Variants in ANKRD42 observed in about 807,000 individuals in gnomAD.
The protein encoded by ANKRD42 is ankyrin repeat domain-containing protein 42.
A neutral mutation model predicts 51.5 loss-of-function variants in ANKRD42; 43 were observed. The ratio of observed to expected loss-of-function variants is 0.83; its 90% CI spans 0.65 to 1.08. The LOEUF (loss-of-function observed/expected upper bound fraction) is 1.08. Ranked by LOEUF, ANKRD42 falls within the 50% of genes least tolerant of loss-of-function variation. The probability of loss-of-function intolerance (pLI) is 0.00; values close to 1 mark genes in which losing one functional copy is unlikely to be tolerated. For missense variants in ANKRD42, 608 were observed against 629.3 expected (o/e 0.97, Z 0.36); for synonymous variants, 203 against 213.0 (o/e 0.95, Z 0.41).
chr11:83,228,739 T>G (rs12280048), intron 7 of ANKRD42, among the ~76,000 whole-genome samples: 3,411 of 152,178 alleles, frequency 0.022, 111 homozygotes, highest in African/African-American at 0.077. Context: ...TACCAATGGT[T>G]TTATAAGCAA....
downstream of ANKRD42, among the ~76,000 whole-genome samples, chr11:83,249,942 G>A (rs1230089297): frequency 6.6e-6 from 1 of 152,060 alleles, no homozygotes; most frequent in African/African-American, 2.4e-5. Flanking sequence ...GCACGCAGAG[G>A]TATTCACTAT....
At chr11:83,264,081 G>C (rs1229320198), downstream of ANKRD42, among the ~76,000 whole-genome samples, 2 of 152,036 alleles carry the variant, frequency 1.3e-5, no homozygotes, top group African/African-American at 2.4e-5. Context: ...TACTAGCACA[G>C]GGCCACCAAG....
At chr11:83,209,724 C>G (rs1448281945) in intron 3 of ANKRD42, 5 of 686,920 alleles carry the variant, frequency 7.3e-6, no homozygotes, top group South Asian at 1.6e-5. Flanking sequence ...TTGTTGCCTT[C>G]TTGTTTCTCA....
rs186939157 is a variant in ANKRD42 at position 83,224,714 on chromosome 11, T to C, written c.587-141T>C. On this transcript the variant is annotated intron_variant, in intron 5 of 10. Coordinates refer to ENST00000533342, the MANE Select transcript of ANKRD42 (RefSeq NM_001300975.2). ...GGGGGGAATCACTTGAGCCCAGGAG[T>C]TGGAGGCTATAATGAGCTATGATTG... 1.0e-3 allele frequency: 579 copies of C among 551,432 alleles called. 3 individuals carry two copies. Among genetic ancestry groups the C allele is most frequent in the African/African-American group, 9.5e-3 (487 of 51,080 alleles). The allele number at this position is 551,432 out of a possible 1,614,324, so 34.2% of individuals were successfully genotyped here.
At chr11:83,214,533 A>G in intron 5 of ANKRD42, 3 of 982,976 alleles carry the variant, frequency 3.1e-6, no homozygotes, top group Non-Finnish European at 3.6e-6. Flanking sequence ...GATGTTAAGA[A>G]AGAATGTGGC....
At chr11:83,220,278 A>T (rs1402142608) in intron 5 of ANKRD42, among the ~76,000 whole-genome samples, 1 of 151,834 alleles carries the variant, frequency 6.6e-6, no homozygotes, top group African/African-American at 2.4e-5. Context: ...AGACAGCCTG[A>T]CACCTGTGTC....
intron 5 of ANKRD42, 56 bp from the exon 6 acceptor site, chr11:83,224,799 A>C: frequency 1.5e-6 from 2 of 1,356,330 alleles, no homozygotes; most frequent in South Asian, 1.6e-5. Context: ...ACATACATAC[A>C]TACATAAAAA....
In ANKRD42 at chr11:83,194,204, G is replaced by A; in HGVS notation, c.-467G>A. 2.2e-6 allele frequency: 1 copy of A among 459,624 alleles called. No individual in the cohort carries two copies. The highest frequency in any genetic ancestry group is 4.4e-6 in the Non-Finnish European group (1 of 229,042). 28.5% of individuals were successfully genotyped at this position (459,624 alleles called of 1,614,324 possible). A position where few individuals can be genotyped will look rare whatever the true frequency, so the allele number is the denominator to read the frequency against. On this transcript the variant is annotated 5_prime_UTR_variant, in exon 1 of 11. Coordinates refer to ENST00000533342, the MANE Select transcript of ANKRD42 (RefSeq NM_001300975.2). ...GGCCACCAAACTACCGACTCCAGGG[G>A]AACAGCCAGAGAAGACCGAGGCCTC...
At chr11:83,239,545 G>A (rs1252522387) in intron 8 of ANKRD42, among the ~76,000 whole-genome samples, 1 of 152,080 alleles carries the variant, frequency 6.6e-6, no homozygotes, top group Non-Finnish European at 1.5e-5. Flanking sequence ...TGAGGTCTGT[G>A]ATCATTTTGA....
intron 10 of ANKRD42, among the ~76,000 whole-genome samples, chr11:83,246,974 A>T (rs1591011721): frequency 1.3e-5 from 2 of 152,034 alleles, no homozygotes; most frequent in African/African-American, 2.4e-5. Flanking sequence ...CTACCTCTTG[A>T]TGTGATTTTA....
At chr11:83,208,357 GTGTGTGTT>G (rs764390079) in intron 3 of ANKRD42, among the ~76,000 whole-genome samples, 17 of 149,744 alleles carry the variant, frequency 1.1e-4, no homozygotes, top group Non-Finnish European at 1.8e-4. Flanking sequence ...TTATATACGT[GTGTGTGTT>G]TGTGTGTGTG....
At chr11:83,208,428 C>T (rs1452842162) in intron 3 of ANKRD42, among the ~76,000 whole-genome samples, 1 of 152,092 alleles carries the variant, frequency 6.6e-6, no homozygotes, top group Non-Finnish European at 1.5e-5. Flanking sequence ...TAAACATCCA[C>T]ATGGACCTTA....
Position 83,194,482 on chromosome 11 carries a change from G to A in ANKRD42, c.-189G>A, listed in dbSNP as rs1319728888. 2 of 710,060 alleles carry A rather than the reference G, an allele frequency of 2.8e-6. No individual in the cohort carries two copies. Among genetic ancestry groups the A allele is most frequent in the Admixed American group, 4.0e-5 (2 of 49,934 alleles). The allele number at this position is 710,060 out of a possible 1,614,324, so 44.0% of individuals were successfully genotyped here. A position where few individuals can be genotyped will look rare whatever the true frequency, so the allele number is the denominator to read the frequency against. On this transcript the variant is annotated 5_prime_UTR_variant, in exon 1 of 11. Transcript: ENST00000533342. ...CCGCTTCAGTGGCTTTTGGGAGAGA[G>A]AAAGTGAAGACGAAGGTTTCCGCTG...
downstream of ANKRD42, among the ~76,000 whole-genome samples, chr11:83,263,692 A>G (rs778453937): frequency 4.6e-5 from 7 of 152,216 alleles, no homozygotes; most frequent in Non-Finnish European, 5.9e-5. Context: ...AATTGGAACT[A>G]AGGAAAGAGG....
intron 3 of ANKRD42, among the ~76,000 whole-genome samples, chr11:83,207,703 T>C (rs1013443433): frequency 1.3e-5 from 2 of 152,232 alleles, no homozygotes; most frequent in Non-Finnish European, 2.9e-5. Context: ...CAAAACAAAT[T>C]CAGAGTGTTA....
intron 4 of ANKRD42, 106 bp downstream of exon 4, chr11:83,210,525 T>G (rs1862273555): frequency 7.6e-7 from 1 of 1,323,000 alleles, no homozygotes; most frequent in Non-Finnish European, 1.0e-6. Flanking sequence ...TAATATGACT[T>G]TGGGAAACTA....
intron 5 of ANKRD42, among the ~76,000 whole-genome samples, chr11:83,222,171 C>T (rs1419365552): frequency 6.6e-6 from 1 of 152,114 alleles, no homozygotes; most frequent in African/African-American, 2.4e-5. Context: ...GAATTCTGGG[C>T]TATTGCTAGT....
chr11:83,222,228 G>A (rs1456137427), intron 5 of ANKRD42, among the ~76,000 whole-genome samples: 1 of 152,210 alleles, frequency 6.6e-6, no homozygotes, highest in Admixed American at 6.5e-5. Context: ...TTGATAGAGC[G>A]TGAAATTAGC....
At chr11:83,207,932 A>G (rs1862140329) in intron 3 of ANKRD42, among the ~76,000 whole-genome samples, 1 of 152,252 alleles carries the variant, frequency 6.6e-6, no homozygotes, top group South Asian at 2.1e-4. Context: ...CCTCAGTAAT[A>G]TAATGAAGAT....
Sources: allele counts gnomAD v4.1 joint callset (sites outside exome capture counted in the v4.1 genomes callset), GRCh38; gene constraint gnomAD v4.1.1; transcripts MANE v1.5; gene names NCBI Gene and HGNC (gene_info 2026-07-23, HGNC 2026-07-21).